The following KLHL29 variants were observed in gnomAD, a reference collection of about 807,000 sequenced individuals.
KLHL29 encodes the protein kelch like family member 29.
A neutral mutation model predicts 80.4 loss-of-function variants in KLHL29; 21 were observed. That is an observed-to-expected ratio of 0.26 (90% CI 0.19 to 0.38). The LOEUF is 0.38. Ranked by LOEUF, KLHL29 falls within the 10% of genes least tolerant of loss-of-function variation. The probability of loss-of-function intolerance (pLI) is 1.00; values close to 1 mark genes in which losing one functional copy is unlikely to be tolerated. For synonymous variants in KLHL29, 511 were observed against 526.8 expected, an observed-to-expected ratio of 0.97 and a Z score of 0.41; for missense variants, 867 against 1,223.9, an observed-to-expected ratio of 0.71 and a Z score of 4.35.
At chr2:23,607,895 C>T (rs1376095401) in intron 3 of KLHL29, among the ~76,000 whole-genome samples, 1 of 152,194 alleles carries the variant, frequency 6.6e-6, no homozygotes, top group Admixed American at 6.5e-5. Flanking sequence ...GGGACCACTG[C>T]CTTAGAGAGC....
chr2:23,526,724 G>A (rs1163212765), intron 2 of KLHL29, among the ~76,000 whole-genome samples: 2 of 152,172 alleles, frequency 1.3e-5, no homozygotes, highest in South Asian at 4.1e-4. Flanking sequence ...AGCTGGGGTT[G>A]GCTCCGTGGC....
rs535982640 is a variant in KLHL29, at chr2:23,615,075, G to A, written c.286-24064G>A. On this transcript the variant is annotated intron_variant, in intron 3 of 13. Coordinates refer to ENST00000486442, the MANE Select transcript of KLHL29 (RefSeq NM_052920.2). ...CCTGCGCTTCCTTTCACAGCTCGGC[G>A]CTTCTTCCACGTCCTATCCAGTTGC... 5.3e-5 allele frequency among the ~76,000 whole-genome samples: 8 copies of A among 152,292 alleles called. No individual in the cohort carries two copies. The East Asian group carries it at 9.7e-4, about 18-fold the overall frequency.
intron 1 of KLHL29, among the ~76,000 whole-genome samples, chr2:23,407,956 G>A (rs1666771757): frequency 6.6e-6 from 1 of 151,780 alleles, no homozygotes; most frequent in Non-Finnish European, 1.5e-5. Flanking sequence ...TTGTCATCCA[G>A]GCTGGAGTGC....
At chr2:23,413,038 G>A (rs1032872531) in intron 1 of KLHL29, among the ~76,000 whole-genome samples, 15 of 152,172 alleles carry the variant, frequency 9.9e-5, no homozygotes, top group South Asian at 2.1e-4. Context: ...CAATTTTCTC[G>A]TTTGCCTTCA....
chr2:23,386,232 C>T (rs759577185), intron 1 of KLHL29, among the ~76,000 whole-genome samples: 1 of 152,088 alleles, frequency 6.6e-6, no homozygotes, highest in South Asian at 2.1e-4. Context: ...GGGGCGGCCG[C>T]GCGCACTGTC....
intron 5 of KLHL29, among the ~76,000 whole-genome samples, chr2:23,671,548 G>A (rs968376464): frequency 8.5e-5 from 13 of 152,148 alleles, no homozygotes; most frequent in African/African-American, 2.9e-4. Flanking sequence ...CCATTTCCTC[G>A]TCCAGGTGCC....
At chr2:23,593,695 C>T (rs1243184563) in intron 3 of KLHL29, among the ~76,000 whole-genome samples, 1 of 152,224 alleles carries the variant, frequency 6.6e-6, no homozygotes, top group African/African-American at 2.4e-5. Flanking sequence ...TGCCTTGACA[C>T]CTAAAACCCA....
chr2:23,489,948 G>A (rs533522251), intron 2 of KLHL29, among the ~76,000 whole-genome samples: 10 of 152,154 alleles, frequency 6.6e-5, no homozygotes, highest in South Asian at 2.1e-4. Flanking sequence ...CCACATTTGC[G>A]TTTGAAAAAA....
At chr2:23,574,966 C>T (rs1204292595) in intron 3 of KLHL29, among the ~76,000 whole-genome samples, 1 of 152,114 alleles carries the variant, frequency 6.6e-6, no homozygotes, top group African/African-American at 2.4e-5. Context: ...GGGAGGGTGG[C>T]CCAGCCCCCA....
chr2:23,685,845 A>G, intron 6 of KLHL29, among the ~76,000 whole-genome samples: 1 of 152,198 alleles, frequency 6.6e-6, no homozygotes, highest in East Asian at 1.9e-4. Context: ...AGGGGCCCGC[A>G]TCGGGCTGCC....
At chr2:23,489,337 A>G (rs966062018) in intron 2 of KLHL29, among the ~76,000 whole-genome samples, 3 of 151,158 alleles carry the variant, frequency 2.0e-5, no homozygotes, top group Non-Finnish European at 4.4e-5. Context: ...CCTCTTCCCA[A>G]AGGTCTCCAG....
intron 1 of KLHL29, among the ~76,000 whole-genome samples, chr2:23,419,247 C>T (rs142971200): frequency 1.6e-3 from 243 of 152,362 alleles, no homozygotes; most frequent in African/African-American, 5.6e-3. Flanking sequence ...GCCCCGCCCT[C>T]TGGCCAGAAC....
At chr2:23,527,562 T>C (rs747059436) in intron 2 of KLHL29, among the ~76,000 whole-genome samples, 2 of 152,226 alleles carry the variant, frequency 1.3e-5, no homozygotes, top group Non-Finnish European at 2.9e-5. Flanking sequence ...ACTTAGAGGC[T>C]GTTCATCTCC....
chr2:23,500,505 A>G (rs944256021), intron 2 of KLHL29, among the ~76,000 whole-genome samples: 2 of 152,184 alleles, frequency 1.3e-5, no homozygotes, highest in African/African-American at 4.8e-5. Flanking sequence ...CTTGATATGT[A>G]GAGACACCCA....
intron 3 of KLHL29, among the ~76,000 whole-genome samples, chr2:23,631,849 CA>C (rs1033959288): frequency 6.6e-6 from 1 of 152,092 alleles, no homozygotes; most frequent in African/African-American, 2.4e-5. Context: ...TTCCATGAGC[CA>C]CATAAGCAAG....
At chr2:23,412,135 G>T (rs1467499717) in intron 1 of KLHL29, among the ~76,000 whole-genome samples, 1 of 136,868 alleles carries the variant, frequency 7.3e-6, no homozygotes, top group Non-Finnish European at 1.6e-5. Flanking sequence ...GGGGGGGGGG[G>T]CGGTGCGGTA....
At chr2:23,557,948 G>T (rs1314530805) in intron 2 of KLHL29, among the ~76,000 whole-genome samples, 2 of 152,136 alleles carry the variant, frequency 1.3e-5, no homozygotes, top group Non-Finnish European at 2.9e-5. Flanking sequence ...GCAACATCCA[G>T]TGTGCGTAGG....
intron 1 of KLHL29, among the ~76,000 whole-genome samples, chr2:23,413,776 G>A (rs948148618): frequency 5.3e-5 from 8 of 152,196 alleles, no homozygotes; most frequent in Non-Finnish European, 1.0e-4. Flanking sequence ...CTCTGAAGGT[G>A]GCATCGATGG....
chr2:23,674,391 G>A (rs540522946), intron 5 of KLHL29, among the ~76,000 whole-genome samples: 174 of 152,244 alleles, frequency 1.1e-3, no homozygotes, highest in African/African-American at 3.8e-3. Context: ...CTCATTCAGC[G>A]GTGGACATGG....
Sources: allele counts gnomAD v4.1 joint callset (sites outside exome capture counted in the v4.1 genomes callset), GRCh38; gene constraint gnomAD v4.1.1; transcripts MANE v1.5; gene names NCBI Gene and HGNC (gene_info 2026-07-23, HGNC 2026-07-21).